Variants in RIMS1 observed in about 807,000 individuals in gnomAD.
The protein encoded by RIMS1 is regulating synaptic membrane exocytosis 1.
RIMS1 carries 83 observed loss-of-function variants against 214.1 expected under a neutral mutation model. The observed-to-expected ratio is 0.39, with a 90% CI of 0.32 to 0.47. RIMS1 has a LOEUF of 0.47. Ranked by LOEUF, RIMS1 falls within the 20% of genes least tolerant of loss-of-function variation. RIMS1 has a pLI of 0.99. For missense variants in RIMS1, 2,050 were observed against 2,161.8 expected (o/e 0.95, Z 1.03); for synonymous variants, 793 against 786.8 (o/e 1.01, Z -0.13).
chr6:71,943,816 T>C (rs1210947950), intron 1 of RIMS1, among the ~76,000 whole-genome samples: 8 of 152,200 alleles, frequency 5.3e-5, no homozygotes, highest in Non-Finnish European at 1.5e-5. Flanking sequence ...TTATGATCCA[T>C]TCTTTGAGTG....
intron 6 of RIMS1, among the ~76,000 whole-genome samples, chr6:72,213,532 A>G (rs2054331259): frequency 6.6e-6 from 1 of 152,168 alleles, no homozygotes; most frequent in Admixed American, 6.5e-5. Context: ...ATGTTCTGTG[A>G]AAATAATTAA....
At position 72,160,560 on chromosome 6, in the gene RIMS1, C is replaced by T. The variant is rs9351894; in HGVS notation, c.472-19015C>T. On this transcript the variant is annotated intron_variant, in intron 4 of 33. Transcript: ENST00000521978. ...CTTATTATTTTGAGATGCATCCCAT[C>T]AATACCTAATTTATTGAGAGTTTTT... Among the ~76,000 whole-genome samples, 96 of 139,994 alleles carry T rather than the reference C, an allele frequency of 6.9e-4. 16 individuals carry two copies. In the East Asian group the frequency reaches 0.019, roughly 27 times the overall value. The allele number at this position is 139,994 out of a possible 152,430, so 91.8% of individuals were successfully genotyped here.
intron 2 of RIMS1, among the ~76,000 whole-genome samples, chr6:71,994,457 A>G (rs539009653): frequency 8.8e-4 from 134 of 152,332 alleles, no homozygotes; most frequent in Middle Eastern, 3.4e-3. Flanking sequence ...AGCATAAAAC[A>G]TAAGACACAG....
At chr6:71,934,792 G>A (rs1029940772) in intron 1 of RIMS1, among the ~76,000 whole-genome samples, 26 of 152,134 alleles carry the variant, frequency 1.7e-4, no homozygotes, top group African/African-American at 6.3e-4. Context: ...TTAAATATCT[G>A]AAGCACACCT....
chr6:72,279,884 C>T (rs1348265458), intron 23 of RIMS1, among the ~76,000 whole-genome samples: 1 of 151,850 alleles, frequency 6.6e-6, no homozygotes, highest in East Asian at 1.9e-4. Context: ...GTCCTATAGA[C>T]TCTAAAATTG....
At chr6:72,008,430 A>C (rs1336168611) in intron 2 of RIMS1, among the ~76,000 whole-genome samples, 2 of 152,176 alleles carry the variant, frequency 1.3e-5, no homozygotes, top group African/African-American at 4.8e-5. Context: ...GAGCAAAATA[A>C]CCAGCTAACA....
At chr6:72,107,662 A>G (rs894325649) in intron 4 of RIMS1, among the ~76,000 whole-genome samples, 2 of 152,198 alleles carry the variant, frequency 1.3e-5, no homozygotes, top group Non-Finnish European at 2.9e-5. Context: ...GTCAAAGGAC[A>G]ATTAAAAACA....
chr6:72,008,710 A>C (rs1337954210), intron 2 of RIMS1, among the ~76,000 whole-genome samples: 1 of 152,204 alleles, frequency 6.6e-6, no homozygotes, highest in Non-Finnish European at 1.5e-5. Context: ...ACCAACAAAC[A>C]TCGAAAGAGA....
chr6:72,005,666 C>T (rs1807231230), intron 2 of RIMS1, among the ~76,000 whole-genome samples: 1 of 152,138 alleles, frequency 6.6e-6, no homozygotes, highest in African/African-American at 2.4e-5. Flanking sequence ...ATTCAAAGGC[C>T]TGTTGTGCTG....
chr6:72,348,018 G>A (rs1367067322), intron 29 of RIMS1, among the ~76,000 whole-genome samples: 1 of 151,880 alleles, frequency 6.6e-6, no homozygotes, highest in Non-Finnish European at 1.5e-5. Flanking sequence ...TTAGATAGGT[G>A]AATGTGATGT....
intron 4 of RIMS1, among the ~76,000 whole-genome samples, chr6:72,128,836 T>G (rs1332577545): frequency 1.3e-5 from 2 of 152,208 alleles, no homozygotes; most frequent in African/African-American, 4.8e-5. Flanking sequence ...AGCAATTTTT[T>G]TGTGGAAATA....
chr6:72,303,036 T>G (rs1269681854), intron 26 of RIMS1, among the ~76,000 whole-genome samples: 1 of 150,860 alleles, frequency 6.6e-6, no homozygotes, highest in African/African-American at 2.4e-5. Flanking sequence ...CCAAACAAAT[T>G]TATTTTTATA....
chr6:71,964,881 G>A (rs1255662319), intron 1 of RIMS1, among the ~76,000 whole-genome samples: 1 of 152,178 alleles, frequency 6.6e-6, no homozygotes, highest in Admixed American at 6.6e-5. Flanking sequence ...GCACTGAATG[G>A]GGGGTGTAGA....
chr6:72,256,210 A>G (rs1246496881), intron 16 of RIMS1, among the ~76,000 whole-genome samples: 1 of 152,084 alleles, frequency 6.6e-6, no homozygotes, highest in African/African-American at 2.4e-5. Flanking sequence ...TATTTATTTA[A>G]GGTCATTCAC....
At position 72,313,679 on chromosome 6, in the gene RIMS1, T is replaced by A. The variant is rs1407784517; in HGVS notation, c.4130+7T>A. 1.9e-6 allele frequency: 3 copies of A among 1,607,532 alleles called. No individual in the cohort carries two copies. In the East Asian group the frequency reaches 6.7e-5, roughly 36 times the overall value. On this transcript the variant is annotated splice_region_variant and intron_variant, in intron 28 of 33. Coordinates refer to ENST00000521978, the MANE Select transcript of RIMS1 (RefSeq NM_014989.7). ...GCCCCAGGGGTAGAATCAGGTGAGT[T>A]GGCAATACTGTTTATATAAACTGGA...
At chr6:72,283,966 A>C in intron 23 of RIMS1, 81 bp from the exon 24 acceptor site, 1 of 1,133,208 alleles carries the variant, frequency 8.8e-7, no homozygotes, top group Non-Finnish European at 1.3e-6. Context: ...GCCATTTTTC[A>C]TGTCTATTGT....
chr6:72,304,354 A>T (rs1448705564), intron 26 of RIMS1, among the ~76,000 whole-genome samples: 1 of 151,814 alleles, frequency 6.6e-6, no homozygotes, highest in African/African-American at 2.4e-5. Flanking sequence ...TTAAAGGAAG[A>T]TATTTGAGCT....
intron 22 of RIMS1, among the ~76,000 whole-genome samples, chr6:72,272,826 C>A (rs547694083): frequency 1.3e-5 from 2 of 152,172 alleles, no homozygotes; most frequent in African/African-American, 4.8e-5. Flanking sequence ...ATGCTGTCGT[C>A]GTAATTCTTT....
intron 4 of RIMS1, among the ~76,000 whole-genome samples, chr6:72,144,124 T>C (rs117213989): frequency 2.0e-5 from 3 of 152,274 alleles, no homozygotes; most frequent in African/African-American, 4.8e-5. Context: ...CAATTTAAGA[T>C]ACAGTCACAA....
Sources: gnomAD v4.1 joint callset for allele counts (sites outside exome capture counted in the v4.1 genomes callset) on GRCh38, gnomAD v4.1.1 for gene constraint, MANE v1.5 for transcripts, NCBI Gene and HGNC (gene_info 2026-07-23, HGNC 2026-07-21) for gene names.